The following PPP1R9A variants were observed in gnomAD, a reference collection of about 807,000 sequenced individuals.
The protein encoded by PPP1R9A is protein phosphatase 1 regulatory subunit 9A.
In PPP1R9A, 59 loss-of-function variants were observed where a neutral mutation model predicts 141.9. The ratio of observed to expected loss-of-function variants is 0.42; its 90% CI spans 0.34 to 0.52. The LOEUF is 0.52. Ranked by LOEUF, PPP1R9A falls within the 20% of genes least tolerant of loss-of-function variation. PPP1R9A has a pLI of 0.10. For missense variants in PPP1R9A, 1,444 were observed against 1,611.9 expected, an observed-to-expected ratio of 0.90 and a Z score of 1.78; for synonymous variants, 500 against 569.7, an observed-to-expected ratio of 0.88 and a Z score of 1.74.
At chr7:95,085,327 C>G (rs1816455426) in intron 2 of PPP1R9A, among the ~76,000 whole-genome samples, 1 of 151,366 alleles carries the variant, frequency 6.6e-6, no homozygotes, top group African/African-American at 2.4e-5. Context: ...ACCCAAACTT[C>G]TGGACTTAGC....
chr7:94,919,820 GTAA>G (rs1410108518), intron 2 of PPP1R9A, among the ~76,000 whole-genome samples: 1 of 152,026 alleles, frequency 6.6e-6, no homozygotes, highest in East Asian at 1.9e-4. Flanking sequence ...TCATTAACTA[GTAA>G]TAATAATGGT....
At position 95,285,632 on chromosome 7, in the gene PPP1R9A, TGA is replaced by T. The variant is rs1405940764; in HGVS notation, c.3610-568_3610-567del. 3.9e-5 allele frequency among the ~76,000 whole-genome samples: 6 copies of T among 152,164 alleles called. No homozygotes were observed. In the East Asian group the frequency reaches 1.2e-3, roughly 29 times the overall value. ...CCTCTCTGATGCTCTGCGGGTGCAG[TGA>T]GAGAGTTGTATTTCAGCATGTAACT... On this transcript the variant is annotated intron_variant, in intron 17 of 19. Transcript: ENST00000433360.
chr7:95,083,392 A>T (rs1276088993), intron 2 of PPP1R9A, among the ~76,000 whole-genome samples: 1 of 151,846 alleles, frequency 6.6e-6, no homozygotes, highest in Non-Finnish European at 1.5e-5. Flanking sequence ...GGGAGAAGGG[A>T]GGGAGAAGGT....
chr7:95,232,402 C>T (rs913662119), intron 8 of PPP1R9A, among the ~76,000 whole-genome samples: 1 of 152,140 alleles, frequency 6.6e-6, no homozygotes, highest in Non-Finnish European at 1.5e-5. Context: ...AACGTAACAT[C>T]TAAAACCATA....
intron 2 of PPP1R9A, among the ~76,000 whole-genome samples, chr7:94,965,215 A>G (rs1384373670): frequency 6.6e-6 from 1 of 151,930 alleles, no homozygotes; most frequent in Non-Finnish European, 1.5e-5. Context: ...GATTCTGGAT[A>G]TTAGCCCTTT....
intron 4 of PPP1R9A, among the ~76,000 whole-genome samples, chr7:95,133,554 A>G (rs1825077022): frequency 7.3e-6 from 1 of 136,790 alleles, no homozygotes; most frequent in South Asian, 2.2e-4. Context: ...CACATCATTT[A>G]TATATTGTTT....
intron 2 of PPP1R9A, among the ~76,000 whole-genome samples, chr7:95,001,648 A>G (rs182472516): frequency 6.6e-6 from 1 of 152,302 alleles, no homozygotes; most frequent in African/African-American, 2.4e-5. Context: ...TGTGAGTCCA[A>G]TCCAACCAGT....
intron 2 of PPP1R9A, among the ~76,000 whole-genome samples, chr7:94,995,493 A>G (rs187057536): frequency 6.6e-6 from 1 of 151,562 alleles, no homozygotes; most frequent in East Asian, 1.9e-4. Context: ...TAATTTTTTT[A>G]TTATAAATTT....
chr7:95,092,317 T>C (rs1035311889), intron 2 of PPP1R9A, among the ~76,000 whole-genome samples: 3 of 151,782 alleles, frequency 2.0e-5, no homozygotes, highest in African/African-American at 7.3e-5. Context: ...GAGGAGCAGC[T>C]TTTTCTTGTC....
chr7:95,135,749 T>C (rs989676447), intron 4 of PPP1R9A, among the ~76,000 whole-genome samples: 7 of 151,922 alleles, frequency 4.6e-5, no homozygotes. Flanking sequence ...ATTTGCCTTC[T>C]CAAGTGCTCT....
At chr7:95,233,446 C>T (rs1324318921) in intron 8 of PPP1R9A, among the ~76,000 whole-genome samples, 1 of 151,886 alleles carries the variant, frequency 6.6e-6, no homozygotes, top group African/African-American at 2.4e-5. Context: ...AGCAGCCTAC[C>T]GTGGCACATG....
intron 16 of PPP1R9A, among the ~76,000 whole-genome samples, chr7:95,281,694 T>A (rs749450806): frequency 4.6e-5 from 7 of 152,230 alleles, no homozygotes; most frequent in African/African-American, 7.2e-5. Flanking sequence ...ATTCTTATTT[T>A]GTCCCTATTT....
At chr7:95,226,288 C>T (rs1265280690) in intron 8 of PPP1R9A, among the ~76,000 whole-genome samples, 172 bp downstream of exon 8, 6 of 152,122 alleles carry the variant, frequency 3.9e-5, no homozygotes, top group African/African-American at 1.4e-4. Context: ...TCTCGTTCCA[C>T]GGTCATTGAT....
intron 2 of PPP1R9A, among the ~76,000 whole-genome samples, chr7:95,052,702 A>G (rs1810986900): frequency 1.3e-5 from 2 of 152,188 alleles, no homozygotes; most frequent in South Asian, 2.1e-4. Flanking sequence ...GGGCCTTGTC[A>G]GTTCCTCATC....
At chr7:95,070,499 TTTTG>T (rs1326049050) in intron 2 of PPP1R9A, among the ~76,000 whole-genome samples, 1 of 151,324 alleles carries the variant, frequency 6.6e-6, no homozygotes, top group Non-Finnish European at 1.5e-5. Context: ...AAACAGCTTT[TTTTG>T]TTTGTTTTCT....
intron 5 of PPP1R9A, among the ~76,000 whole-genome samples, chr7:95,192,600 T>C (rs910232665): frequency 5.9e-5 from 9 of 152,034 alleles, no homozygotes; most frequent in Non-Finnish European, 1.2e-4. Context: ...TTAAGGATTA[T>C]ATAATATTTG....
At chr7:94,955,601 C>T (rs530748949) in intron 2 of PPP1R9A, among the ~76,000 whole-genome samples, 2 of 152,174 alleles carry the variant, frequency 1.3e-5, no homozygotes, top group East Asian at 1.9e-4. Context: ...GGCACTGAAA[C>T]GGGTATAGCT....
At chr7:95,259,196 A>C (rs2153026681) in intron 12 of PPP1R9A, among the ~76,000 whole-genome samples, 1 of 152,284 alleles carries the variant, frequency 6.6e-6, no homozygotes, top group South Asian at 2.1e-4. Context: ...AACTAGAAGA[A>C]AATACAGGGG....
chr7:95,043,923 C>A (rs2151931422), intron 2 of PPP1R9A, among the ~76,000 whole-genome samples: 1 of 152,258 alleles, frequency 6.6e-6, no homozygotes, highest in South Asian at 2.1e-4. Flanking sequence ...AATACCTAAG[C>A]CTCTTGTTCA....
Sources: allele counts gnomAD v4.1 joint callset (sites outside exome capture counted in the v4.1 genomes callset), GRCh38; gene constraint gnomAD v4.1.1; transcripts MANE v1.5; gene names NCBI Gene and HGNC (gene_info 2026-07-23, HGNC 2026-07-21).